The following RNASEH2B variants were observed in gnomAD, a reference collection of about 807,000 sequenced individuals.
RNASEH2B encodes Aicardi-Goutieres syndrome 2 protein.
Under a neutral mutation model 45.0 loss-of-function variants are expected in RNASEH2B, and 36 were observed. The observed-to-expected ratio is 0.80, with a 90% confidence interval of 0.61 to 1.06. The LOEUF (loss-of-function observed/expected upper bound fraction) is 1.06, where lower values mean the gene tolerates loss of function less well. RNASEH2B is among the 50% of genes least tolerant of loss of function. The pLI is 0.00. For missense variants in RNASEH2B, 361 were observed against 360.3 expected (o/e 1.00, Z -0.02); for synonymous variants, 119 against 125.7 (o/e 0.95, Z 0.35).
chr13:50,964,164 A>T (rs553050529), intron 9 of RNASEH2B, among the ~76,000 whole-genome samples: 49 of 152,204 alleles, frequency 3.2e-4, no homozygotes, highest in African/African-American at 1.2e-3. Flanking sequence ...ACACCACTGC[A>T]CTCCAGTCTG....
intron 7 of RNASEH2B, among the ~76,000 whole-genome samples, chr13:50,946,676 C>G (rs1191383611): frequency 6.6e-6 from 1 of 152,148 alleles, no homozygotes; most frequent in Non-Finnish European, 1.5e-5. Context: ...AGGTAGGTAA[C>G]TTATCCTCAA....
chr13:50,969,850 A>G lies in RNASEH2B; in HGVS notation c.742-82A>G. The G allele has an allele frequency of 3.0e-6, 4 of 1,354,990 alleles. No individual in the cohort carries two copies. The South Asian group carries it at 3.8e-5, about 13-fold the overall frequency. 83.9% of individuals were successfully genotyped at this position (1,354,990 alleles called of 1,614,324 possible). On this transcript the variant is annotated intron_variant, in intron 9 of 9. Coordinates refer to the RNASEH2B transcript ENST00000422660. ...ACCCGCCAGCCCTGCGTTCTGTTCT[A>G]GGAGCTGCAGATGGTGCTTGGGGTT...
intron 1 of RNASEH2B, among the ~76,000 whole-genome samples, chr13:50,918,919 A>G (rs1177468837): frequency 6.6e-6 from 1 of 152,078 alleles, no homozygotes; most frequent in African/African-American, 2.4e-5. Flanking sequence ...TCTTTTTTCT[A>G]TTGGATCTTC....
intron 7 of RNASEH2B, 116 bp downstream of exon 7, chr13:50,945,648 T>C: frequency 1.4e-6 from 1 of 724,854 alleles, no homozygotes; most frequent in Non-Finnish European, 2.5e-6. Context: ...TTCCTACCAA[T>C]GCCTCATACA....
chr13:50,926,668 T>C (rs1951601005), intron 1 of RNASEH2B, among the ~76,000 whole-genome samples: 1 of 152,156 alleles, frequency 6.6e-6, no homozygotes, highest in South Asian at 2.1e-4. Context: ...ATTCACAGAA[T>C]CTTAAGAAAA....
At chr13:50,924,560 T>C (rs953845769) in intron 1 of RNASEH2B, among the ~76,000 whole-genome samples, 4 of 152,140 alleles carry the variant, frequency 2.6e-5, no homozygotes, top group Non-Finnish European at 5.9e-5. Context: ...AATTGAACAA[T>C]AACAGTGTTT....
chr13:50,923,893 AAGGAG>A (rs1431579692), intron 1 of RNASEH2B, among the ~76,000 whole-genome samples: 1 of 152,212 alleles, frequency 6.6e-6, no homozygotes, highest in Non-Finnish European at 1.5e-5. Flanking sequence ...CAGTAGCACA[AAGGAG>A]AGGAGAGGAA....
upstream of RNASEH2B, chr13:50,909,706 G>A: frequency 5.2e-6 from 1 of 191,390 alleles, no homozygotes; most frequent in South Asian, 1.0e-4. Context: ...AGGGCCGCTG[G>A]GTGCAGCCAC....
Position 50,934,931 on chromosome 13 carries a change from C to A in RNASEH2B, c.368C>A (p.Pro123Gln), listed in dbSNP as rs1233704307. 6.2e-7 allele frequency: 1 copy of A among 1,613,832 alleles called. No homozygotes were observed. Among genetic ancestry groups the A allele is most frequent in the African/African-American group, 1.3e-5 (1 of 74,890 alleles). ...LDQVVVDNVF[P>Q]NCILLLKLPG... ...CAAGTTGTGGTGGATAACGTGTTTCCAAATTGCATCTTGTTGCTGAAACTT... is the reference window on the plus strand; with the variant it reads ...CAAGTTGTGGTGGATAACGTGTTTCAAAATTGCATCTTGTTGCTGAAACTT... Residue 123 changes from proline to glutamine, a missense_variant, in exon 5 of 11, where the codon CCA (proline) becomes CAA (glutamine). Pro to Gln is a moderately conservative substitution (Grantham distance 76). Transcript: ENST00000336617.
rs1392831918 is a variant in RNASEH2B at position 50,967,107 on chromosome 13, T to C, written c.742-2825T>C. ...ATATCATCAAGATTTTTTATGTCTT[T>C]CCCTCCAGCCGCTGGTGCTTGGGGA... On this transcript the variant is annotated intron_variant, in intron 9 of 9. Coordinates refer to the RNASEH2B transcript ENST00000422660. 2.6e-5 allele frequency among the ~76,000 whole-genome samples: 4 copies of C among 152,286 alleles called. No homozygotes were observed. The East Asian group carries it at 7.7e-4, about 29-fold the overall frequency.
At chr13:50,968,215 T>C (rs549996300) in intron 9 of RNASEH2B, among the ~76,000 whole-genome samples, 95 of 151,976 alleles carry the variant, frequency 6.3e-4, no homozygotes, top group Non-Finnish European at 1.1e-3. Context: ...CTGGACAACA[T>C]AGCAAGACTG....
chr13:50,969,994 T>G (rs1448844336), exon 10 of RNASEH2B: 1 of 1,550,220 alleles, frequency 6.5e-7, no homozygotes, highest in South Asian at 1.2e-5. Context: ...GGCTTGGCGG[T>G]TTTCCCTGCA....
chr13:50,934,844 G>A, intron 4 of RNASEH2B, 41 bp from the exon 5 acceptor site: 1 of 1,347,162 alleles, frequency 7.4e-7, no homozygotes, highest in Non-Finnish European at 1.1e-6. Context: ...GAATGTCTTT[G>A]TTGAATGAAA....
intron 9 of RNASEH2B, among the ~76,000 whole-genome samples, chr13:50,962,004 G>T (rs1199861204): frequency 6.6e-6 from 1 of 152,094 alleles, no homozygotes; most frequent in East Asian, 1.9e-4. Context: ...GAATTATAAT[G>T]ATTGATTTTT....
At chr13:50,954,209 A>G (rs1393001325) in intron 10 of RNASEH2B, 1 of 611,758 alleles carries the variant, frequency 1.6e-6, no homozygotes, top group African/African-American at 1.8e-5. Flanking sequence ...CTACTTATCA[A>G]GAGTGTGCCT....
At position 50,943,378 on chromosome 13, in the gene RNASEH2B, A is replaced by T; in HGVS notation, c.494A>T (p.Lys165Met). The change falls in exon 6 of 11, where the codon AAG becomes ATG. Residue 165 changes from lysine (K) to methionine (M), a missense_variant. By Grantham distance (95) the Lys-to-Met change is moderately conservative (BLOSUM62 -1). Transcript: ENST00000336617. ...AAGTACAGCAAAGAGAAGACATTAA[A>T]GTGGCTGGAAAAAAAGGTATAGTTC... ...YYKYSKEKTL[K>M]WLEKKVNQTV... 6.2e-7 allele frequency: 1 copy of T among 1,605,940 alleles called. No homozygotes were observed. The highest frequency in any genetic ancestry group is 8.5e-7 in the Non-Finnish European group (1 of 1,172,658).
chr13:50,969,855 C>G (rs1184717000), intron 9 of RNASEH2B: 1 of 1,394,272 alleles, frequency 7.2e-7, no homozygotes, highest in Admixed American at 2.0e-5. Context: ...GTTCTAGGAG[C>G]TGCAGATGGT....
intron 1 of RNASEH2B, among the ~76,000 whole-genome samples, chr13:50,914,089 T>C (rs1048393203): frequency 6.6e-6 from 1 of 152,080 alleles, no homozygotes; most frequent in Non-Finnish European, 1.5e-5. Flanking sequence ...AATTGTAGCT[T>C]TTTATAAGTC....
downstream of RNASEH2B, among the ~76,000 whole-genome samples, chr13:50,957,404 A>C (rs968409868): frequency 6.6e-6 from 1 of 152,140 alleles, no homozygotes; most frequent in Non-Finnish European, 1.5e-5. Context: ...CTCCAGCTGC[A>C]TCCATTTTGC....
Sources: gnomAD v4.1 joint callset for allele counts (sites outside exome capture counted in the v4.1 genomes callset) on GRCh38, gnomAD v4.1.1 for gene constraint, MANE v1.5 for transcripts, NCBI Gene and HGNC (gene_info 2026-07-23, HGNC 2026-07-21) for gene names.